Variants in THSD7B observed in about 807,000 individuals in gnomAD.
The protein encoded by THSD7B is thrombospondin type-1 domain-containing protein 7B.
Under a neutral mutation model 213.6 loss-of-function variants are expected in THSD7B, and 138 were observed. The observed-to-expected ratio is 0.65, with a 90% CI of 0.56 to 0.74. The LOEUF (loss-of-function observed/expected upper bound fraction) is 0.74. Among genes scored for constraint, THSD7B ranks in the 30% least tolerant of loss-of-function variants. The probability of loss-of-function intolerance (pLI) is 0.00; values close to 1 mark genes in which losing one functional copy is unlikely to be tolerated. For missense variants in THSD7B, 1,931 were observed against 1,991.5 expected (o/e 0.97, Z 0.58); for synonymous variants, 742 against 687.0 (o/e 1.08, Z -1.25).
At chr2:137,106,847 T>A (rs1688263063) in intron 4 of THSD7B, among the ~76,000 whole-genome samples, 1 of 152,158 alleles carries the variant, frequency 6.6e-6, no homozygotes, top group African/African-American at 2.4e-5. Context: ...TGAGATACCA[T>A]CTCATACCAG....
chr2:137,270,888 A>G (rs1009972566), intron 10 of THSD7B, among the ~76,000 whole-genome samples: 1 of 152,212 alleles, frequency 6.6e-6, no homozygotes, highest in Non-Finnish European at 1.5e-5. Context: ...AAGTAATGAC[A>G]TAAGCATAGT....
chr2:137,056,323 T>G, intron 2 of THSD7B, 97 bp from the exon 3 acceptor site: 1 of 1,268,408 alleles, frequency 7.9e-7, no homozygotes. Flanking sequence ...AATTTCATAC[T>G]GCTTGTGTTG....
intron 1 of THSD7B, among the ~76,000 whole-genome samples, chr2:136,805,570 G>C (rs143946930): frequency 6.6e-6 from 1 of 152,114 alleles, no homozygotes; most frequent in African/African-American, 2.4e-5. Flanking sequence ...GCTGTTGTTT[G>C]CCCATCCAGT....
chr2:137,143,192 T>C lies in THSD7B; in HGVS notation c.1370-17021T>C, dbSNP rs569803538. ...ATTTCTCAACACGTGCCTGATCTTT[T>C]TCTTTTGTGAATACCTACCTCATAC... On this transcript the variant is annotated intron_variant, in intron 5 of 27. Coordinates refer to ENST00000409968, the MANE Select transcript of THSD7B (RefSeq NM_001316349.2). Among the ~76,000 whole-genome samples, 8 of 152,316 alleles carry C rather than the reference T, an allele frequency of 5.3e-5. 1 individual carries two copies. The South Asian group carries it at 1.7e-3, about 32-fold the overall frequency.
chr2:137,204,547 A>G (rs1439360300), intron 7 of THSD7B, among the ~76,000 whole-genome samples: 1 of 152,166 alleles, frequency 6.6e-6, no homozygotes, highest in Non-Finnish European at 1.5e-5. Context: ...CACATTCAGT[A>G]GTTGATTAGG....
chr2:137,569,608 G>T (rs1370101786), intron 16 of THSD7B, among the ~76,000 whole-genome samples: 3 of 152,040 alleles, frequency 2.0e-5, no homozygotes, highest in Non-Finnish European at 4.4e-5. Context: ...TTGGTGCCAT[G>T]AATTCCAGAA....
At chr2:136,872,478 C>T (rs1683445587) in intron 1 of THSD7B, among the ~76,000 whole-genome samples, 1 of 152,136 alleles carries the variant, frequency 6.6e-6, no homozygotes, top group African/African-American at 2.4e-5. Context: ...AACTGAGTCA[C>T]ATGGCAGCCC....
intron 20 of THSD7B, among the ~76,000 whole-genome samples, chr2:137,641,374 T>G (rs532930495): frequency 6.6e-6 from 1 of 152,362 alleles, no homozygotes; most frequent in East Asian, 1.9e-4. Flanking sequence ...GTTCCACTGC[T>G]CATGGCAGTG....
At chr2:137,571,211 T>C (rs1375441706) in intron 16 of THSD7B, among the ~76,000 whole-genome samples, 2 of 152,224 alleles carry the variant, frequency 1.3e-5, no homozygotes, top group Non-Finnish European at 2.9e-5. Flanking sequence ...AACAGGATCA[T>C]ATGTACTCTT....
Position 137,139,188 on chromosome 2 carries a change from A to C in THSD7B, c.1370-21025A>C, listed in dbSNP as rs536086898. Among the ~76,000 whole-genome samples, 13 of 152,306 alleles carry C rather than the reference A, an allele frequency of 8.5e-5. No individual in the cohort carries two copies. The East Asian group carries it at 2.5e-3, about 29-fold the overall frequency. Reference sequence around the variant, plus strand: ...TTTGATGAGTGTTAACTGCTGTGTTAATATGCAGCCTCTACTGTATGGACA... The same window carrying C: ...TTTGATGAGTGTTAACTGCTGTGTTCATATGCAGCCTCTACTGTATGGACA... On this transcript the variant is annotated intron_variant, in intron 5 of 27. Coordinates refer to ENST00000409968, the MANE Select transcript of THSD7B (RefSeq NM_001316349.2).
chr2:137,624,148 C>G (rs1200149259), intron 20 of THSD7B, among the ~76,000 whole-genome samples: 6 of 152,182 alleles, frequency 3.9e-5, no homozygotes, highest in South Asian at 2.1e-4. Context: ...CAATGGAACA[C>G]AACAGAGCCC....
intron 13 of THSD7B, among the ~76,000 whole-genome samples, chr2:137,407,356 A>C (rs1686548298): frequency 6.6e-6 from 1 of 152,146 alleles, no homozygotes. Context: ...CTGTACTTTC[A>C]GGTGGCTAAT....
intron 5 of THSD7B, among the ~76,000 whole-genome samples, chr2:137,146,001 A>G (rs533428316): frequency 5.3e-5 from 8 of 152,230 alleles, no homozygotes; most frequent in South Asian, 2.1e-4. Flanking sequence ...TCTCCATTTT[A>G]TAACCCATTT....
intron 3 of THSD7B, among the ~76,000 whole-genome samples, chr2:137,081,540 A>G (rs1488303343): frequency 1.3e-5 from 2 of 151,886 alleles, no homozygotes; most frequent in African/African-American, 2.4e-5. Context: ...AGTTCAGTCA[A>G]TTCATTTTAT....
chr2:137,520,294 A>T (rs1321522381), intron 15 of THSD7B, among the ~76,000 whole-genome samples: 2 of 152,168 alleles, frequency 1.3e-5, no homozygotes, highest in Admixed American at 6.5e-5. Context: ...ATGAAAATGG[A>T]TGATGATGAT....
chr2:137,612,380 G>A (rs1667685929), intron 17 of THSD7B, among the ~76,000 whole-genome samples: 2 of 152,068 alleles, frequency 1.3e-5, no homozygotes, highest in Admixed American at 6.6e-5. Context: ...TGTAATTCTG[G>A]TTACCCCTAT....
chr2:137,031,923 C>G (rs1686680357), intron 2 of THSD7B, among the ~76,000 whole-genome samples: 1 of 151,560 alleles, frequency 6.6e-6, no homozygotes, highest in Admixed American at 6.6e-5. Flanking sequence ...CTCACTACAG[C>G]CTCAACCTCC....
At chr2:136,969,487 A>T (rs544780237) in intron 2 of THSD7B, among the ~76,000 whole-genome samples, 3 of 152,224 alleles carry the variant, frequency 2.0e-5, no homozygotes, top group Non-Finnish European at 4.4e-5. Flanking sequence ...AGCATCAAAC[A>T]TCATGTTGTA....
intron 12 of THSD7B, among the ~76,000 whole-genome samples, chr2:137,324,480 T>C (rs1407832842): frequency 5.3e-5 from 8 of 152,156 alleles, no homozygotes. Flanking sequence ...AATTCTTTCA[T>C]TCATTGCTTT....
Sources: gnomAD v4.1 joint callset for allele counts (sites outside exome capture counted in the v4.1 genomes callset) on GRCh38, gnomAD v4.1.1 for gene constraint, MANE v1.5 for transcripts, NCBI Gene and HGNC (gene_info 2026-07-23, HGNC 2026-07-21) for gene names.